The following PAWR variants were observed in gnomAD, a reference collection of about 807,000 sequenced individuals.
The protein encoded by PAWR is pro-apoptotic WT1 regulator.
PAWR carries 23 observed loss-of-function variants against 32.0 expected under a neutral mutation model. That is an observed-to-expected ratio of 0.72 (90% CI 0.52 to 1.02). The LOEUF (loss-of-function observed/expected upper bound fraction) is 1.02. PAWR is among the 50% of genes least tolerant of loss of function. The pLI, the probability that PAWR is intolerant of heterozygous loss-of-function variation, is 0.00. For synonymous variants in PAWR, 226 were observed against 187.1 expected (o/e 1.21, Z -1.70); for missense variants, 457 against 437.7 (o/e 1.04, Z -0.39).
intron 4 of PAWR, among the ~76,000 whole-genome samples, chr12:79,612,653 T>A (rs1220356310): frequency 6.6e-6 from 1 of 152,196 alleles, no homozygotes; most frequent in Non-Finnish European, 1.5e-5. Context: ...CCTTATAAGA[T>A]AATCATGAGA....
Position 79,690,066 on chromosome 12 carries a change from G to C in PAWR, c.179C>G (p.Thr60Ser). ...AGKPPAGALG[T>S]PAAAAANELN... ...CTCGTTGGCAGCGGCGGCCGCCGGG[G>C]TGCCCAGAGCCCCCGCGGGGGGCTT... Residue 60 changes from threonine (T) to serine (S), a missense_variant, in exon 2 of 7, where the codon ACC (threonine) becomes AGC (serine). Thr to Ser is a moderately conservative substitution (Grantham distance 58). Coordinates refer to ENST00000328827, the MANE Select transcript of PAWR (RefSeq NM_002583.4). The C allele has an allele frequency of 7.3e-7, 1 of 1,377,042 alleles. No homozygotes were observed. The highest frequency in any genetic ancestry group is 3.1e-5 in the East Asian group (1 of 32,568). The allele number at this position is 1,377,042 out of a possible 1,614,324, so 85.3% of individuals were successfully genotyped here.
intron 2 of PAWR, among the ~76,000 whole-genome samples, chr12:79,627,888 A>T (rs1007704942): frequency 6.6e-6 from 1 of 152,204 alleles, no homozygotes; most frequent in African/African-American, 2.4e-5. Flanking sequence ...TGTCAACATT[A>T]GACAGATCAA....
chr12:79,687,543 T>C lies in PAWR; in HGVS notation c.516+2186A>G, dbSNP rs1001888349. On this transcript the variant is annotated intron_variant, in intron 2 of 6. Coordinates refer to ENST00000328827, the MANE Select transcript of PAWR (RefSeq NM_002583.4). ...ACATTAGATAAAATAAAGTCTACTT[T>C]TGAATATAAAGAGATTGGTCATTTT... Among the ~76,000 whole-genome samples, 5 of 152,292 alleles carry C rather than the reference T, an allele frequency of 3.3e-5. No individual in the cohort carries two copies. The East Asian group carries it at 7.7e-4, about 23-fold the overall frequency.
At chr12:79,638,874 ATATATATATATATATATATATATTTTT>A in intron 2 of PAWR, among the ~76,000 whole-genome samples, 1 of 4,752 alleles carries the variant, frequency 2.1e-4, no homozygotes, top group Non-Finnish European at 4.3e-4. Context: ...ATATATATAT[ATATATATATATATATATATATATTTTT>A]TTTTTTTTTT....
intron 2 of PAWR, among the ~76,000 whole-genome samples, chr12:79,664,094 T>C (rs976502124): frequency 6.6e-6 from 1 of 152,150 alleles, no homozygotes; most frequent in Non-Finnish European, 1.5e-5. Context: ...TAAAAATAAC[T>C]AGTCATAGTG....
At chr12:79,638,689 G>A (rs973293911) in intron 2 of PAWR, among the ~76,000 whole-genome samples, 9 of 150,504 alleles carry the variant, frequency 6.0e-5, no homozygotes, top group Non-Finnish European at 1.2e-4. Flanking sequence ...TAATGGCTCC[G>A]ACTGGAGTAC....
intron 3 of PAWR, among the ~76,000 whole-genome samples, chr12:79,615,771 T>C (rs554715425): frequency 6.5e-4 from 99 of 152,176 alleles, no homozygotes; most frequent in African/African-American, 2.0e-3. Flanking sequence ...ACAGAAGTTT[T>C]TCCAGCTGGG....
In PAWR at chr12:79,589,828, G is replaced by A. The variant is rs551822425; in HGVS notation, c.*2779C>T. 18 of 152,142 alleles carry A rather than the reference G, an allele frequency of 1.2e-4. No homozygotes were observed. In the South Asian group the frequency reaches 3.7e-3, roughly 32 times the overall value. 9.4% of individuals were successfully genotyped at this position (152,142 alleles called of 1,614,324 possible). On this transcript the variant is annotated 3_prime_UTR_variant, in exon 7 of 7. Transcript: ENST00000328827. ...TGCTTTATTATGCCACAAATTCCCAGGAGATTTAAGAAATAGTATTTCTGA... is the reference window on the plus strand; with the variant it reads ...TGCTTTATTATGCCACAAATTCCCAAGAGATTTAAGAAATAGTATTTCTGA...
chr12:79,603,239 A>G (rs1367586174), intron 4 of PAWR, among the ~76,000 whole-genome samples: 1 of 152,100 alleles, frequency 6.6e-6, no homozygotes, highest in African/African-American at 2.4e-5. Flanking sequence ...TGACATGGTG[A>G]AACCCTGTAA....
chr12:79,594,108 TA>T (rs1483853689), intron 6 of PAWR, among the ~76,000 whole-genome samples: 4 of 152,182 alleles, frequency 2.6e-5, no homozygotes, highest in Admixed American at 2.6e-4. Flanking sequence ...AACAAATCCA[TA>T]AATCAGTCTA....
intron 2 of PAWR, among the ~76,000 whole-genome samples, chr12:79,672,132 G>C (rs996957363): frequency 6.6e-6 from 1 of 151,862 alleles, no homozygotes; most frequent in Non-Finnish European, 1.5e-5. Flanking sequence ...CTCCCACCTG[G>C]TCACTCTCTC....
At chr12:79,665,514 T>G (rs1484903891) in intron 2 of PAWR, among the ~76,000 whole-genome samples, 1 of 152,038 alleles carries the variant, frequency 6.6e-6, no homozygotes, top group Non-Finnish European at 1.5e-5. Context: ...ATTCCGTAAG[T>G]CAATTAAAAT....
chr12:79,616,015 C>T lies in PAWR; in HGVS notation c.649-2406G>A, dbSNP rs190903559. Reference sequence around the variant, plus strand: ...GAGGTTGCAGTGAGCTGAGATCACACTACTATACTCCAGCCTGTGCAACAG... The same window carrying T: ...GAGGTTGCAGTGAGCTGAGATCACATTACTATACTCCAGCCTGTGCAACAG... On this transcript the variant is annotated intron_variant, in intron 3 of 6. Transcript: ENST00000328827. 1.3e-3 allele frequency among the ~76,000 whole-genome samples: 190 copies of T among 143,678 alleles called. 2 individuals are homozygous for T. The highest frequency in any genetic ancestry group is 5.0e-3 in the African/African-American group (186 of 37,302). The allele number at this position is 143,678 out of a possible 152,430, so 94.3% of individuals were successfully genotyped here.
intron 2 of PAWR, among the ~76,000 whole-genome samples, chr12:79,668,915 ACT>A (rs1440954598): frequency 6.6e-6 from 1 of 152,144 alleles, no homozygotes; most frequent in East Asian, 1.9e-4. Context: ...GGAAGGAAAT[ACT>A]CTCATCCCAA....
At chr12:79,612,921 G>A (rs997099403) in intron 4 of PAWR, among the ~76,000 whole-genome samples, 3 of 152,130 alleles carry the variant, frequency 2.0e-5, no homozygotes, top group South Asian at 4.1e-4. Context: ...GTGGTGCAAC[G>A]GACTGATCTG....
intron 4 of PAWR, among the ~76,000 whole-genome samples, chr12:79,606,006 G>A (rs1018694040): frequency 1.5e-4 from 23 of 152,050 alleles, no homozygotes; most frequent in African/African-American, 4.6e-4. Context: ...CCCACAACGC[G>A]GGGGTTGCAG....
At chr12:79,635,788 T>C (rs1464653530) in intron 2 of PAWR, among the ~76,000 whole-genome samples, 1 of 152,186 alleles carries the variant, frequency 6.6e-6, no homozygotes. Flanking sequence ...GATAGTTTTA[T>C]GACTTTGCTT....
Position 79,690,394 on chromosome 12 carries a change from G to C in PAWR, c.-147-3C>G. On this transcript the variant is annotated splice_polypyrimidine_tract_variant and splice_region_variant and intron_variant, in intron 1 of 6. Coordinates refer to ENST00000328827, the MANE Select transcript of PAWR (RefSeq NM_002583.4). ...CGCTCCCACAGCAGCCGGCGGGGCT[G>C]AGGTGAAAGACAAAAGGGGGCGGGT... 1 of 1,340,198 alleles carries C rather than the reference G, an allele frequency of 7.5e-7. No homozygotes were observed. The highest frequency in any genetic ancestry group is 9.5e-7 in the Non-Finnish European group (1 of 1,048,816). The allele number at this position is 1,340,198 out of a possible 1,614,324, so 83.0% of individuals were successfully genotyped here.
At chr12:79,633,991 C>T (rs910004052) in intron 2 of PAWR, among the ~76,000 whole-genome samples, 2 of 152,002 alleles carry the variant, frequency 1.3e-5, no homozygotes, top group Admixed American at 6.6e-5. Flanking sequence ...CAAAACTGGC[C>T]ATGAGTTGAA....
Sources: gnomAD v4.1 joint callset for allele counts (sites outside exome capture counted in the v4.1 genomes callset) on GRCh38, gnomAD v4.1.1 for gene constraint, MANE v1.5 for transcripts, NCBI Gene and HGNC (gene_info 2026-07-23, HGNC 2026-07-21) for gene names.